Variants in ALG9 observed in about 807,000 individuals in gnomAD.
The protein encoded by ALG9 is ALG9 alpha-1,2-mannosyltransferase.
ALG9 carries 55 observed loss-of-function variants against 81.8 expected under a neutral mutation model. The observed-to-expected ratio is 0.67, with a 90% confidence interval of 0.54 to 0.84. The LOEUF is 0.84. Among genes scored for constraint, ALG9 ranks in the 40% least tolerant of loss-of-function variants. ALG9 has a pLI of 0.00. For synonymous variants in ALG9, 278 were observed against 274.3 expected (o/e 1.01, Z -0.13); for missense variants, 629 against 745.0 (o/e 0.84, Z 1.81).
At chr11:111,855,608 C>T (rs1958542827) in intron 6 of ALG9, among the ~76,000 whole-genome samples, 1 of 152,098 alleles carries the variant, frequency 6.6e-6, no homozygotes, top group South Asian at 2.1e-4. Context: ...GACAGCAGTA[C>T]TATTTACTGG....
At chr11:111,774,051 T>C in the ALG9 span, among the ~76,000 whole-genome samples, 7 of 105,896 alleles carry the variant, frequency 6.6e-5, no homozygotes, top group East Asian at 1.6e-3. Context: ...TGAGCCACCA[T>C]ACCAAGCCAT....
intron 13 of ALG9, among the ~76,000 whole-genome samples, chr11:111,826,254 T>C (rs1953258747): frequency 6.6e-6 from 1 of 151,364 alleles, no homozygotes; most frequent in African/African-American, 2.4e-5. Flanking sequence ...GGTATGGTGG[T>C]GCAGGTCCAT....
intron 5 of ALG9, 148 bp downstream of exon 5, chr11:111,860,399 T>C (rs782053986): frequency 6.9e-5 from 51 of 737,630 alleles, no homozygotes; most frequent in Admixed American, 2.8e-4. Flanking sequence ...CTGCAAATTA[T>C]TGACATGTTC....
Position 111,785,813 on chromosome 11 carries a change from C to A in ALG9, c.*584G>T. The A allele has an allele frequency of 6.7e-6, 2 of 298,206 alleles. No homozygotes were observed. Among genetic ancestry groups the A allele is most frequent in the South Asian group, 6.2e-5 (2 of 32,384 alleles). The allele number at this position is 298,206 out of a possible 1,614,324, so 18.5% of individuals were successfully genotyped here. Reference sequence around the variant, plus strand: ...CCTTTTTCCTGAGATAGCTCCAGGACAGGGTCCTAGTCCTGTGAAGTGCTT... The same window carrying A: ...CCTTTTTCCTGAGATAGCTCCAGGAAAGGGTCCTAGTCCTGTGAAGTGCTT... On this transcript the variant is annotated 3_prime_UTR_variant, in exon 15 of 15. Transcript: ENST00000616540.
intron 6 of ALG9, among the ~76,000 whole-genome samples, chr11:111,856,408 C>A (rs1231353456): frequency 3.4e-5 from 5 of 149,064 alleles, no homozygotes; most frequent in Admixed American, 6.7e-5. Context: ...CCAATATAAA[C>A]AATTATATAA....
At chr11:111,837,381 A>C in intron 12 of ALG9, 87 bp downstream of exon 12, 1 of 1,540,136 alleles carries the variant, frequency 6.5e-7, no homozygotes, top group South Asian at 1.1e-5. Context: ...GAAAACTCCA[A>C]AAGAAAACAA....
intron 14 of ALG9, among the ~76,000 whole-genome samples, chr11:111,808,453 T>C (rs1478029586): frequency 2.0e-5 from 3 of 152,220 alleles, no homozygotes; most frequent in Non-Finnish European, 2.9e-5. Flanking sequence ...CCAGCTCTAA[T>C]TGAACTCACT....
At chr11:111,769,739 GC>G in the ALG9 span, among the ~76,000 whole-genome samples, 1 of 152,214 alleles carries the variant, frequency 6.6e-6, no homozygotes, top group South Asian at 2.1e-4. Flanking sequence ...GCCTTAATAT[GC>G]TAACAAAAAC....
chr11:111,781,665 T>TA (rs1474550428), downstream of ALG9, among the ~76,000 whole-genome samples: 2 of 152,066 alleles, frequency 1.3e-5, no homozygotes, highest in African/African-American at 2.4e-5. Context: ...ATTTTTTTTT[T>TA]AGATGGAGTC....
At chr11:111,817,446 G>C (rs1951668733) in intron 13 of ALG9, 1 of 152,080 alleles carries the variant, frequency 6.6e-6, no homozygotes, top group Admixed American at 6.5e-5. Flanking sequence ...TGCAGTCTGT[G>C]AGCCAAGATC....
chr11:111,864,523 G>A, intron 4 of ALG9: 1 of 655,982 alleles, frequency 1.5e-6, no homozygotes, highest in Non-Finnish European at 2.8e-6. Flanking sequence ...TCAAAAGAGA[G>A]CTAAATTTGA....
chr11:111,806,646 C>G (rs1555085576), intron 14 of ALG9, among the ~76,000 whole-genome samples: 1 of 152,144 alleles, frequency 6.6e-6, no homozygotes, highest in Non-Finnish European at 1.5e-5. Flanking sequence ...CTTTGGTGAT[C>G]TCATCCAGTC....
rs111986200 is a variant in ALG9 at position 111,854,871 on chromosome 11, C to A, written c.702-1135G>T. Among the ~76,000 whole-genome samples, 982 of 152,256 alleles carry A rather than the reference C, an allele frequency of 6.4e-3. 10 individuals carry two copies. The highest frequency in any genetic ancestry group is 0.022 in the African/African-American group (916 of 41,546). Reference sequence around the variant, plus strand: ...TCTAAAATATCAGCAGTATCTAGCACAAAGCATTCAATGAATGACAGTATA... The same window carrying A: ...TCTAAAATATCAGCAGTATCTAGCAAAAAGCATTCAATGAATGACAGTATA... On this transcript the variant is annotated intron_variant, in intron 6 of 14. Transcript: ENST00000616540.
Position 111,868,619 on chromosome 11 carries a change from T to C in ALG9, c.388A>G (p.Ile130Val), listed in dbSNP as rs782298472. The C allele has an allele frequency of 2.5e-5, 40 of 1,613,914 alleles. No homozygotes were observed. Among genetic ancestry groups the C allele is most frequent in the Non-Finnish European group, 4.2e-6 (5 of 1,179,874 alleles). Residue 130 changes from isoleucine to valine, a missense_variant, in exon 3 of 15, where the codon ATT becomes GTT. Physicochemically the swap from Ile to Val is conservative, Grantham distance 29. Coordinates refer to ENST00000616540, the MANE Select transcript of ALG9 (RefSeq NM_024740.2). ...HAWPAAFHAR[I>V]LQTNKILVFY... The stretch of plus-strand genomic sequence containing the variant: ...GCCCTTACCTTATTAGTTTGTAGAA[T>C]TCTTGCATGAAATGCAGCTGGCCAG...
intron 13 of ALG9, among the ~76,000 whole-genome samples, chr11:111,834,061 C>CT: frequency 6.6e-6 from 1 of 152,270 alleles, no homozygotes; most frequent in South Asian, 2.1e-4. Context: ...ACAAAAGAAA[C>CT]AAAGTGCAGT....
At chr11:111,808,790 C>T (rs1396564363) in intron 14 of ALG9, among the ~76,000 whole-genome samples, 4 of 152,206 alleles carry the variant, frequency 2.6e-5, no homozygotes, top group Non-Finnish European at 5.9e-5. Context: ...TGTCTGTTTA[C>T]CTGGACCTCT....
chr11:111,837,569 A>G lies in ALG9; in HGVS notation c.1371T>C (p.Ala457=). Residue 457 remains alanine (A), a synonymous_variant, in exon 12 of 15, where the codon GCT becomes GCC. Coordinates refer to ENST00000616540, the MANE Select transcript of ALG9 (RefSeq NM_024740.2). ...GGACAGTGTGGATGGTTGGGTCTGT[A>G]GCAATTCGGTAAAATTCTGGATACA... The part of the protein sequence containing the change: ...LDLYPEFYRI[A]TDPTIHTVPE... The G allele has an allele frequency of 6.2e-7, 1 of 1,614,144 alleles. No individual in the cohort carries two copies. Among genetic ancestry groups the G allele is most frequent in the Non-Finnish European group, 8.5e-7 (1 of 1,180,006 alleles).
At chr11:111,808,788 T>C (rs1448428526) in intron 14 of ALG9, among the ~76,000 whole-genome samples, 1 of 152,204 alleles carries the variant, frequency 6.6e-6, no homozygotes, top group Non-Finnish European at 1.5e-5. Context: ...ACTGTCTGTT[T>C]ACCTGGACCT....
intron 13 of ALG9, among the ~76,000 whole-genome samples, chr11:111,818,827 T>C (rs1018457263): frequency 3.3e-5 from 5 of 151,358 alleles, no homozygotes; most frequent in Admixed American, 2.6e-4. Flanking sequence ...ACATGAAGAA[T>C]GCATGAAAAA....
Sources: allele counts gnomAD v4.1 joint callset (sites outside exome capture counted in the v4.1 genomes callset), GRCh38; gene constraint gnomAD v4.1.1; transcripts MANE v1.5; gene names NCBI Gene and HGNC (gene_info 2026-07-23, HGNC 2026-07-21).